The following CAMTA1 variants were observed in gnomAD, a reference collection of about 807,000 sequenced individuals.
CAMTA1 encodes the protein calmodulin binding transcription activator 1, also known as calmodulin-binding transcription activator 1.
CAMTA1 carries 27 observed loss-of-function variants against 170.9 expected under a neutral mutation model. The ratio of observed to expected loss-of-function variants is 0.16; its 90% CI spans 0.12 to 0.22. CAMTA1 has a LOEUF of 0.22. CAMTA1 is among the 10% of genes least tolerant of loss of function. The pLI is 1.00. For missense variants in CAMTA1, 1,619 were observed against 2,217.2 expected, an observed-to-expected ratio of 0.73 and a Z score of 5.42; for synonymous variants, 833 against 891.5, an observed-to-expected ratio of 0.93 and a Z score of 1.17.
At chr1:7,024,537 C>T (rs1164434359) in intron 3 of CAMTA1, among the ~76,000 whole-genome samples, 1 of 152,250 alleles carries the variant, frequency 6.6e-6, no homozygotes, top group Non-Finnish European at 1.5e-5. Context: ...AATCAGTCTG[C>T]ACTAGCAGTG....
intron 3 of CAMTA1, among the ~76,000 whole-genome samples, chr1:7,002,043 C>T (rs991164035): frequency 1.3e-5 from 2 of 151,948 alleles, no homozygotes; most frequent in Non-Finnish European, 2.9e-5. Context: ...ATTACAGGCG[C>T]CTACCACCAC....
chr1:7,324,182 T>A (rs1678917392), intron 5 of CAMTA1, among the ~76,000 whole-genome samples: 1 of 152,220 alleles, frequency 6.6e-6, no homozygotes, highest in African/African-American at 2.4e-5. Context: ...TATTGTTGGG[T>A]GTACACAAGT....
At chr1:6,876,415 G>A (rs1669902399) in intron 3 of CAMTA1, among the ~76,000 whole-genome samples, 1 of 151,214 alleles carries the variant, frequency 6.6e-6, no homozygotes, top group African/African-American at 2.4e-5. Context: ...AGGCTGGAGT[G>A]CAATGGTGTG....
chr1:7,039,561 A>G (rs1015702110), intron 3 of CAMTA1, among the ~76,000 whole-genome samples: 2 of 152,184 alleles, frequency 1.3e-5, no homozygotes, highest in African/African-American at 4.8e-5. Context: ...AGATATTTGG[A>G]AGACGTGTAG....
intron 5 of CAMTA1, among the ~76,000 whole-genome samples, chr1:7,330,117 T>A (rs2082931358): frequency 6.6e-6 from 1 of 152,152 alleles, no homozygotes; most frequent in South Asian, 2.1e-4. Flanking sequence ...CTTGAGCCAT[T>A]ACTACCAGGA....
chr1:7,540,835 C>G (rs370475807), intron 6 of CAMTA1, among the ~76,000 whole-genome samples: 14 of 152,312 alleles, frequency 9.2e-5, no homozygotes, highest in Admixed American at 7.8e-4. Context: ...TTAATTGACT[C>G]AATCATAGAG....
intron 3 of CAMTA1, among the ~76,000 whole-genome samples, chr1:7,004,416 G>A (rs1156804240): frequency 1.3e-5 from 2 of 152,138 alleles, no homozygotes; most frequent in African/African-American, 2.4e-5. Context: ...GGTTGAGCTG[G>A]GGCTTGGCCA....
At chr1:6,981,443 A>AT (rs1014403794) in intron 3 of CAMTA1, among the ~76,000 whole-genome samples, 1 of 151,908 alleles carries the variant, frequency 6.6e-6, no homozygotes, top group African/African-American at 2.4e-5. Flanking sequence ...TATTTTATTT[A>AT]TTTTTTTGAG....
chr1:7,412,272 C>A (rs998503296), intron 5 of CAMTA1, among the ~76,000 whole-genome samples: 1 of 151,882 alleles, frequency 6.6e-6, no homozygotes, highest in African/African-American at 2.4e-5. Flanking sequence ...GGGTATATAC[C>A]CAGTAATGGG....
intron 3 of CAMTA1, among the ~76,000 whole-genome samples, chr1:6,953,984 G>A (rs1688997859): frequency 6.6e-6 from 1 of 152,180 alleles, no homozygotes. Flanking sequence ...GGCGGCACTC[G>A]AGGGCTTGGG....
At chr1:7,553,174 A>T (rs1209456829) in intron 6 of CAMTA1, among the ~76,000 whole-genome samples, 1 of 152,232 alleles carries the variant, frequency 6.6e-6, no homozygotes, top group Non-Finnish European at 1.5e-5. Context: ...TGAATGAATG[A>T]GTGAATGAAT....
At chr1:7,593,311 G>A (rs1456696989) in intron 6 of CAMTA1, among the ~76,000 whole-genome samples, 4 of 152,032 alleles carry the variant, frequency 2.6e-5, no homozygotes, top group East Asian at 1.9e-4. Context: ...TGGAGTCCTG[G>A]AGTCTCTGCT....
chr1:7,376,395 C>T (rs758096098), intron 5 of CAMTA1, among the ~76,000 whole-genome samples: 1 of 152,126 alleles, frequency 6.6e-6, no homozygotes, highest in Non-Finnish European at 1.5e-5. Context: ...AGGGGGCTCG[C>T]GAGGAGACTG....
chr1:7,005,481 T>G (rs1416920872), intron 3 of CAMTA1, among the ~76,000 whole-genome samples: 2 of 152,252 alleles, frequency 1.3e-5, no homozygotes, highest in African/African-American at 4.8e-5. Context: ...TTTTTCTTCT[T>G]GCTTTTCCCT....
At chr1:7,410,254 G>T (rs932491539) in intron 5 of CAMTA1, among the ~76,000 whole-genome samples, 10 of 152,376 alleles carry the variant, frequency 6.6e-5, no homozygotes, top group Admixed American at 6.5e-4. Context: ...ACAGAATGGG[G>T]AAGAAAGAAC....
intron 1 of CAMTA1, among the ~76,000 whole-genome samples, chr1:6,814,260 C>T (rs1645523072): frequency 6.6e-6 from 1 of 152,132 alleles, no homozygotes; most frequent in Non-Finnish European, 1.5e-5. Flanking sequence ...AAGCAGTTTA[C>T]AGAAGATACT....
intron 4 of CAMTA1, among the ~76,000 whole-genome samples, chr1:7,196,696 G>C (rs1451355568): frequency 6.6e-6 from 1 of 152,230 alleles, no homozygotes; most frequent in Non-Finnish European, 1.5e-5. Context: ...GAGCAATAAA[G>C]AGATGGGTTC....
At position 7,386,293 on chromosome 1, in the gene CAMTA1, C is replaced by T. The variant is rs189068190; in HGVS notation, c.439-81537C>T. ...CGGTTAGCATCTTGTGCAGAGTCCC[C>T]GTGATGCCCTGACTCATCATGAGCA... On this transcript the variant is annotated intron_variant, in intron 5 of 22. Transcript: ENST00000303635. Among the ~76,000 whole-genome samples, 591 of 152,332 alleles carry T rather than the reference C, an allele frequency of 3.9e-3. 1 individual carries two copies. The highest frequency in any genetic ancestry group is 6.1e-3 in the Non-Finnish European group (412 of 68,030).
In CAMTA1 at chr1:7,737,422, G is replaced by T. The variant is rs759550867; in HGVS notation, c.3510G>T (p.Glu1170Asp). Residue 1170 changes from glutamate (E) to aspartate (D), a missense_variant, in exon 15 of 23, where the codon GAG becomes GAT. Coordinates refer to ENST00000303635, the MANE Select transcript of CAMTA1 (RefSeq NM_015215.4). Reference protein sequence around the residue: ...AECLEHLQRDEQAQLGQNPRI... With the variant: ...AECLEHLQRDDQAQLGQNPRI... ...GTCTGGAGCACCTGCAGAGAGATGA[G>T]CAGGCTCAGCTGGGACAGAACCCCA... 7 of 1,614,082 alleles carry T rather than the reference G, an allele frequency of 4.3e-6. No individual in the cohort carries two copies. The African/African-American group carries it at 9.3e-5, about 22-fold the overall frequency.
Sources: allele counts gnomAD v4.1 joint callset (sites outside exome capture counted in the v4.1 genomes callset), GRCh38; gene constraint gnomAD v4.1.1; transcripts MANE v1.5; gene names NCBI Gene and HGNC (gene_info 2026-07-23, HGNC 2026-07-21).